GPHN: variants seen among roughly 807,000 people sequenced by gnomAD.
GPHN encodes the protein gephyrin.
A neutral mutation model predicts 95.5 loss-of-function variants in GPHN; 17 were observed. The observed-to-expected ratio is 0.18, with a 90% confidence interval of 0.12 to 0.27. The LOEUF is 0.27. Ranked by LOEUF, GPHN falls within the 10% of genes least tolerant of loss-of-function variation. The pLI is 1.00. For synonymous variants in GPHN, 320 were observed against 322.5 expected (o/e 0.99, Z 0.08); for missense variants, 660 against 978.1 (o/e 0.67, Z 4.34).
chr14:67,552,270 C>G, the GPHN span, among the ~76,000 whole-genome samples: 13 of 152,342 alleles, frequency 8.5e-5, no homozygotes, highest in Non-Finnish European at 1.3e-4. Context: ...GACCCTGGAA[C>G]AGCCAAATAA....
chr14:66,655,507 T>G (rs746059174), intron 1 of GPHN, among the ~76,000 whole-genome samples: 54 of 152,138 alleles, frequency 3.5e-4, no homozygotes, highest in Non-Finnish European at 7.1e-4. Flanking sequence ...TCTAGGTTCC[T>G]TGGGATTTTC....
At chr14:67,050,673 A>C (rs1239161767) in intron 10 of GPHN, among the ~76,000 whole-genome samples, 1 of 152,176 alleles carries the variant, frequency 6.6e-6, no homozygotes, top group Non-Finnish European at 1.5e-5. Context: ...AGAAAAAAAA[A>C]CAAGGAGGGG....
At chr14:66,984,091 G>A (rs2070864236) in intron 9 of GPHN, among the ~76,000 whole-genome samples, 1 of 152,156 alleles carries the variant, frequency 6.6e-6, no homozygotes, top group Non-Finnish European at 1.5e-5. Context: ...ACTTATTACT[G>A]TGTAAGTTCA....
intron 18 of GPHN, among the ~76,000 whole-genome samples, chr14:67,155,996 C>G (rs2153714214): frequency 6.6e-6 from 1 of 152,192 alleles, no homozygotes; most frequent in East Asian, 1.9e-4. Flanking sequence ...CAGTAGGGAA[C>G]TCTATAGTCA....
intron 9 of GPHN, among the ~76,000 whole-genome samples, chr14:66,988,020 TTGG>T (rs1416981779): frequency 6.6e-6 from 1 of 152,014 alleles, no homozygotes; most frequent in African/African-American, 2.4e-5. Context: ...ACGATTTCAC[TTGG>T]TGATTTTTTT....
intron 2 of GPHN, among the ~76,000 whole-genome samples, chr14:66,696,753 C>T (rs1254420359): frequency 1.3e-5 from 2 of 152,172 alleles, no homozygotes; most frequent in African/African-American, 4.8e-5. Context: ...GTCTCAGAAC[C>T]TCTGGTATTC....
rs117060049 is a variant in GPHN, at chr14:66,849,143, A to G, written c.294+24577A>G. Among the ~76,000 whole-genome samples, 327 of 152,076 alleles carry G rather than the reference A, an allele frequency of 2.2e-3. 5 individuals are homozygous for G. The East Asian group carries it at 0.035, about 16-fold the overall frequency. ...CTTGGATGTAGCAAAAGATGATAGAACTAGAATTTGAACTAGGTAGTCTTT... is the reference window on the plus strand; with the variant it reads ...CTTGGATGTAGCAAAAGATGATAGAGCTAGAATTTGAACTAGGTAGTCTTT... On this transcript the variant is annotated intron_variant, in intron 4 of 22. Transcript: ENST00000478722.
At chr14:67,392,136 T>C in the GPHN span, among the ~76,000 whole-genome samples, 2 of 152,154 alleles carry the variant, frequency 1.3e-5, no homozygotes, top group African/African-American at 4.8e-5. Context: ...TACACATGTG[T>C]GTGTGAGTGT....
At chr14:66,811,523 C>T (rs1296426797) in intron 3 of GPHN, among the ~76,000 whole-genome samples, 1 of 145,698 alleles carries the variant, frequency 6.9e-6, no homozygotes, top group Admixed American at 6.9e-5. Context: ...ATAAAAATCA[C>T]TTAAGACTAC....
At chr14:67,716,350 A>G in the GPHN span, among the ~76,000 whole-genome samples, 2 of 152,204 alleles carry the variant, frequency 1.3e-5, no homozygotes, top group Non-Finnish European at 2.9e-5. Flanking sequence ...GAGGAGATAT[A>G]TTTAAGTTGG....
chr14:67,069,440 A>G (rs563127610), intron 11 of GPHN, among the ~76,000 whole-genome samples: 2 of 151,246 alleles, frequency 1.3e-5, no homozygotes, highest in East Asian at 1.9e-4. Flanking sequence ...ATAACTGCCT[A>G]TGCTCAGGCA....
At chr14:67,158,491 C>T (rs577557215) in intron 18 of GPHN, among the ~76,000 whole-genome samples, 1 of 152,072 alleles carries the variant, frequency 6.6e-6, no homozygotes, top group South Asian at 2.1e-4. Flanking sequence ...ATGATGTTGG[C>T]TGAGGCTGTA....
At chr14:67,275,958 G>A in the GPHN span, among the ~76,000 whole-genome samples, 1 of 152,102 alleles carries the variant, frequency 6.6e-6, no homozygotes, top group Non-Finnish European at 1.5e-5. Flanking sequence ...TGTGGGGTTG[G>A]TGGTGATACC....
chr14:67,375,284 C>G, the GPHN span, among the ~76,000 whole-genome samples: 4 of 138,364 alleles, frequency 2.9e-5, no homozygotes, highest in South Asian at 2.3e-4. Context: ...GTGTGTGTGT[C>G]ACAAAGTCTT....
chr14:67,499,934 G>C, the GPHN span, among the ~76,000 whole-genome samples: 3 of 152,140 alleles, frequency 2.0e-5, no homozygotes, highest in Non-Finnish European at 2.9e-5. Context: ...ATTAAGGAGG[G>C]GAGTGGTCTC....
chr14:66,614,046 C>T (rs1022555227), intron 1 of GPHN, among the ~76,000 whole-genome samples: 1 of 151,962 alleles, frequency 6.6e-6, no homozygotes, highest in Non-Finnish European at 1.5e-5. Context: ...TTTGTATTTG[C>T]CAAACTAATA....
At chr14:66,577,726 A>G (rs1043855003) in intron 1 of GPHN, among the ~76,000 whole-genome samples, 21 of 151,922 alleles carry the variant, frequency 1.4e-4, no homozygotes, top group African/African-American at 4.8e-4. Flanking sequence ...TAAATAAAGC[A>G]AAGGAAAGAA....
intron 1 of GPHN, among the ~76,000 whole-genome samples, chr14:66,616,389 G>A (rs1331852773): frequency 6.7e-6 from 1 of 148,932 alleles, no homozygotes; most frequent in African/African-American, 2.6e-5. Flanking sequence ...CCCATGGATG[G>A]GTCAGCTGTT....
chr14:67,473,176 A>G, the GPHN span: 1 of 540,378 alleles, frequency 1.9e-6, no homozygotes, highest in African/African-American at 1.9e-5. The surrounding 1 kb of genome is among the most constrained non-coding windows in gnomAD (Gnocchi z 6.5). Context: ...CAACCCCTGA[A>G]CTGGGCCGCG....
Sources: allele counts gnomAD v4.1 joint callset (sites outside exome capture counted in the v4.1 genomes callset), GRCh38; gene constraint gnomAD v4.1.1; non-coding constraint Gnocchi (gnomAD v3.1); transcripts MANE v1.5; gene names NCBI Gene and HGNC (gene_info 2026-07-23, HGNC 2026-07-21).